SIDT1: variants seen among roughly 807,000 people sequenced by gnomAD.
The protein encoded by SIDT1 is SID1 transmembrane family, member 1.
Under a neutral mutation model 107.5 loss-of-function variants are expected in SIDT1, and 101 were observed. The observed-to-expected ratio is 0.94, with a 90% CI of 0.80 to 1.11. SIDT1 has a LOEUF of 1.11. SIDT1 is among the 50% of genes least tolerant of loss of function. SIDT1 has a pLI of 0.00. For synonymous variants in SIDT1, 395 were observed against 398.2 expected (o/e 0.99, Z 0.10); for missense variants, 1,076 against 1,058.2 (o/e 1.02, Z -0.23).
intron 4 of SIDT1, among the ~76,000 whole-genome samples, chr3:113,578,513 G>A (rs182101240): frequency 6.6e-6 from 1 of 150,630 alleles, no homozygotes; most frequent in Non-Finnish European, 1.5e-5. Flanking sequence ...TCTAACTACA[G>A]GAACTGTATA....
chr3:113,630,529 C>G (rs1347582659), downstream of SIDT1, among the ~76,000 whole-genome samples: 1 of 152,136 alleles, frequency 6.6e-6, no homozygotes, highest in Non-Finnish European at 1.5e-5. Context: ...TCTGTGGGGT[C>G]ACAACATGCA....
chr3:113,607,057 G>A lies in SIDT1; in HGVS notation c.1421G>A (p.Gly474Asp), dbSNP rs572675919. ...ATTTTACAGGTGGTAAATGTCACTGGCAACCAGGACATCTGTTACTACAAC... is the reference window on the plus strand; with the variant it reads ...ATTTTACAGGTGGTAAATGTCACTGACAACCAGGACATCTGTTACTACAAC... ...ITYQTVVNVT[G>D]NQDICYYNFL... The change falls in exon 15 of 25, where the codon GGC becomes GAC. Residue 474 changes from glycine to aspartate, a missense_variant. By Grantham distance (94) the Gly-to-Asp change is moderately conservative. Transcript: ENST00000264852. 3.5e-5 allele frequency: 56 copies of A among 1,611,802 alleles called. No homozygotes were observed. In the East Asian group the frequency reaches 1.2e-3, roughly 33 times the overall value.
intron 1 of SIDT1, among the ~76,000 whole-genome samples, chr3:113,541,153 C>G (rs938871243): frequency 1.3e-5 from 2 of 151,848 alleles, no homozygotes; most frequent in African/African-American, 4.8e-5. Context: ...TACACACACA[C>G]ACACACACAC....
At chr3:113,600,280 A>G (rs1208368485) in intron 10 of SIDT1, among the ~76,000 whole-genome samples, 1 of 152,178 alleles carries the variant, frequency 6.6e-6, no homozygotes, top group Non-Finnish European at 1.5e-5. Context: ...ACTGCACTCC[A>G]GCCTGGGTGA....
chr3:113,602,723 T>C (rs1455285833), intron 11 of SIDT1: 2 of 262,976 alleles, frequency 7.6e-6, no homozygotes, highest in East Asian at 1.5e-4. Context: ...AGAAGTATAA[T>C]ATTATTTTTG....
intron 15 of SIDT1, among the ~76,000 whole-genome samples, chr3:113,607,521 A>G (rs949154056): frequency 1.3e-5 from 2 of 152,244 alleles, no homozygotes; most frequent in African/African-American, 4.8e-5. Context: ...TAAGTAGTGC[A>G]GGACGCAAAC....
intron 1 of SIDT1, among the ~76,000 whole-genome samples, chr3:113,540,104 T>A (rs1049695964): frequency 6.7e-6 from 1 of 149,432 alleles, no homozygotes; most frequent in African/African-American, 2.5e-5. Flanking sequence ...CGGCAGAAGG[T>A]GAAGGGGAGC....
At chr3:113,544,697 G>T (rs544147917) in intron 1 of SIDT1, among the ~76,000 whole-genome samples, 2 of 152,272 alleles carry the variant, frequency 1.3e-5, no homozygotes, top group East Asian at 3.9e-4. Context: ...TTAGTGCGTC[G>T]TATCAGGGGC....
chr3:113,572,577 C>T (rs1942554998), intron 3 of SIDT1, among the ~76,000 whole-genome samples: 1 of 152,036 alleles, frequency 6.6e-6, no homozygotes, highest in Non-Finnish European at 1.5e-5. Flanking sequence ...AGAGGAATTA[C>T]AGAGATGAAA....
At position 113,576,964 on chromosome 3, in the gene SIDT1, T is replaced by A. The variant is rs1210551114; in HGVS notation, c.558T>A (p.Pro186=). 1.2e-6 allele frequency: 2 copies of A among 1,614,026 alleles called. No individual in the cohort carries two copies. The highest frequency in any genetic ancestry group is 2.7e-5 in the African/African-American group (2 of 74,930). Residue 186 remains proline, a synonymous_variant, in exon 4 of 25, where the codon CCT becomes CCA. Transcript: ENST00000264852. Reference sequence around the variant, plus strand: ...ACTTTACTGCCAGCCCCTCTCAACCTCAGGTAAGTGAAGGGGTTCCAAGAG... The same window carrying A: ...ACTTTACTGCCAGCCCCTCTCAACCACAGGTAAGTGAAGGGGTTCCAAGAG... The part of the protein sequence containing the change: ...AFHFTASPSQ[P]QYFLYKFPKD...
At chr3:113,592,924 C>A in intron 9 of SIDT1, 81 bp from the exon 10 acceptor site, 2 of 1,150,960 alleles carry the variant, frequency 1.7e-6, no homozygotes, top group Non-Finnish European at 2.6e-6. Flanking sequence ...TAGACAAATC[C>A]GCAACAAAAT....
intron 20 of SIDT1, among the ~76,000 whole-genome samples, chr3:113,616,660 A>G (rs143840892): frequency 6.6e-6 from 1 of 152,120 alleles, no homozygotes; most frequent in Non-Finnish European, 1.5e-5. Flanking sequence ...CCCTGAGCTT[A>G]AAATAAAATT....
At chr3:113,563,389 G>A (rs1444164143) in intron 1 of SIDT1, among the ~76,000 whole-genome samples, 1 of 152,130 alleles carries the variant, frequency 6.6e-6, no homozygotes, top group African/African-American at 2.4e-5. Context: ...AAGAAAATAG[G>A]AGCAAATTCT....
At chr3:113,624,994 A>C (rs1009723549) in intron 23 of SIDT1, among the ~76,000 whole-genome samples, 1 of 152,150 alleles carries the variant, frequency 6.6e-6, no homozygotes, top group African/African-American at 2.4e-5. Flanking sequence ...GATCGATTCC[A>C]TATTTTGCCT....
At chr3:113,589,034 G>T (rs552189281) in intron 9 of SIDT1, among the ~76,000 whole-genome samples, 1 of 152,278 alleles carries the variant, frequency 6.6e-6, no homozygotes, top group African/African-American at 2.4e-5. Context: ...GCTAGCTGGG[G>T]CTTATTTGTT....
chr3:113,535,257 G>A (rs1937991662), intron 1 of SIDT1, among the ~76,000 whole-genome samples: 2 of 151,290 alleles, frequency 1.3e-5, no homozygotes, highest in South Asian at 4.2e-4. Flanking sequence ...TGGGGACAGA[G>A]TGATACCCTG....
intron 14 of SIDT1, 161 bp from the exon 15 acceptor site, chr3:113,606,880 G>A (rs1576936640): frequency 5.4e-6 from 3 of 553,950 alleles, no homozygotes; most frequent in East Asian, 5.6e-5. Flanking sequence ...CCTGTGCTGT[G>A]TAAGGTGGCA....
At chr3:113,588,331 G>GA (rs900083295) in intron 9 of SIDT1, among the ~76,000 whole-genome samples, 21 of 152,158 alleles carry the variant, frequency 1.4e-4, no homozygotes, top group South Asian at 6.2e-4. Flanking sequence ...ATAGACTGAG[G>GA]AAAAAAATGC....
intron 14 of SIDT1, chr3:113,606,449 A>T (rs1560114127): frequency 6.6e-6 from 1 of 152,226 alleles, no homozygotes; most frequent in Admixed American, 6.5e-5. Flanking sequence ...TCAATTGCAT[A>T]CTTATTATGC....
Sources: allele counts gnomAD v4.1 joint callset (sites outside exome capture counted in the v4.1 genomes callset), GRCh38; gene constraint gnomAD v4.1.1; transcripts MANE v1.5; gene names NCBI Gene and HGNC (gene_info 2026-07-23, HGNC 2026-07-21).